Variants in UNC13C observed in about 807,000 individuals in gnomAD.
UNC13C encodes the protein protein unc-13 homolog C.
UNC13C carries 174 observed loss-of-function variants against 245.4 expected under a neutral mutation model. The ratio of observed to expected loss-of-function variants is 0.71; its 90% confidence interval spans 0.63 to 0.80. The LOEUF (loss-of-function observed/expected upper bound fraction) is 0.80, where lower values mean the gene tolerates loss of function less well. Among genes scored for constraint, UNC13C ranks in the 30% least tolerant of loss-of-function variants. The pLI, the probability that UNC13C is intolerant of heterozygous loss-of-function variation, is 0.00. For missense variants in UNC13C, 2,829 were observed against 2,602.9 expected, an observed-to-expected ratio of 1.09 and a Z score of -1.89; for synonymous variants, 992 against 895.1, an observed-to-expected ratio of 1.11 and a Z score of -1.93.
chr15:53,842,535 C>T, the UNC13C span, among the ~76,000 whole-genome samples: 1 of 152,140 alleles, frequency 6.6e-6, no homozygotes, highest in East Asian at 1.9e-4. Flanking sequence ...TTAATTCAAG[C>T]CGGGCCACTG....
intron 2 of UNC13C, among the ~76,000 whole-genome samples, chr15:54,062,161 A>G (rs1341788049): frequency 6.6e-6 from 1 of 151,698 alleles, no homozygotes. Flanking sequence ...CTTTACTAAA[A>G]ATACAAAATT....
chr15:54,582,279 T>C (rs543008714), intron 30 of UNC13C, among the ~76,000 whole-genome samples: 4 of 152,272 alleles, frequency 2.6e-5, no homozygotes, highest in African/African-American at 7.2e-5. Context: ...AACTTGTAGA[T>C]CTGTGCAACC....
At chr15:54,108,474 A>G (rs999001573) in intron 2 of UNC13C, among the ~76,000 whole-genome samples, 2 of 152,216 alleles carry the variant, frequency 1.3e-5, no homozygotes, top group African/African-American at 4.8e-5. Flanking sequence ...GGCTTGAGCC[A>G]CCGTGCCTGG....
At chr15:54,504,343 G>A (rs1269336030) in intron 22 of UNC13C, among the ~76,000 whole-genome samples, 1 of 152,014 alleles carries the variant, frequency 6.6e-6, no homozygotes, top group African/African-American at 2.4e-5. Flanking sequence ...ATAATTCATT[G>A]AGCATTATTA....
At chr15:54,083,227 T>C (rs1249887577) in intron 2 of UNC13C, among the ~76,000 whole-genome samples, 1 of 152,124 alleles carries the variant, frequency 6.6e-6, no homozygotes, top group Non-Finnish European at 1.5e-5. Context: ...GTTGCAGGGC[T>C]CAAAACCTCC....
intron 30 of UNC13C, among the ~76,000 whole-genome samples, chr15:54,571,233 T>C (rs1897739418): frequency 6.6e-6 from 1 of 152,206 alleles, no homozygotes; most frequent in Non-Finnish European, 1.5e-5. Context: ...CAGTTCAGCA[T>C]GGCTGTGGAG....
At chr15:54,626,584 C>CGACTGATTAAGTGTAA (rs760908069) in intron 32 of UNC13C, among the ~76,000 whole-genome samples, 1 of 152,070 alleles carries the variant, frequency 6.6e-6, no homozygotes, top group Non-Finnish European at 1.5e-5. Context: ...GATTCTGCCT[C>CGACTGATTAAGTGTAA]GACTGATTAA....
rs377726388 is a variant in UNC13C at position 54,434,604 on chromosome 15, A to G, written c.4933+19537A>G. ...TAACTCAAGATGGATTAAAGACTTA[A>G]CCATAAAACCGGAAACCATAAAAAC... On this transcript the variant is annotated intron_variant, in intron 19 of 32. Coordinates refer to ENST00000260323, the MANE Select transcript of UNC13C (RefSeq NM_001080534.3). 5.1e-4 allele frequency among the ~76,000 whole-genome samples: 77 copies of G among 152,236 alleles called. 1 individual carries two copies. The highest frequency in any genetic ancestry group is 9.8e-4 in the Admixed American group (15 of 15,282).
In UNC13C at chr15:54,408,899, T is replaced by A. The variant is rs112439307; in HGVS notation, c.4848-6083T>A. 2.4e-4 allele frequency among the ~76,000 whole-genome samples: 37 copies of A among 152,338 alleles called. 1 individual carries two copies. Among genetic ancestry groups the A allele is most frequent in the Admixed American group, 1.0e-3 (16 of 15,310 alleles). Reference sequence around the variant, plus strand: ...ATCTATTCATGTCAATTGAAAGAGATCTGCCTTGGTCATTTCAATAGCTGC... The same window carrying A: ...ATCTATTCATGTCAATTGAAAGAGAACTGCCTTGGTCATTTCAATAGCTGC... On this transcript the variant is annotated intron_variant, in intron 18 of 32. Transcript: ENST00000260323.
chr15:53,994,201 T>G (rs991556885), intron 1 of UNC13C, among the ~76,000 whole-genome samples: 1 of 151,640 alleles, frequency 6.6e-6, no homozygotes, highest in Admixed American at 6.6e-5. Context: ...GAATATCAAA[T>G]TTTTAAAGAA....
At chr15:54,570,765 G>T (rs190922398) in intron 30 of UNC13C, among the ~76,000 whole-genome samples, 1 of 152,282 alleles carries the variant, frequency 6.6e-6, no homozygotes, top group African/African-American at 2.4e-5. Flanking sequence ...TGAAAATATA[G>T]TAGAAGATAC....
chr15:53,991,746 C>T (rs1035993279), intron 1 of UNC13C, among the ~76,000 whole-genome samples: 5 of 152,054 alleles, frequency 3.3e-5, no homozygotes, highest in African/African-American at 9.7e-5. Flanking sequence ...ATGGTAATTG[C>T]ATCCACATTG....
At chr15:54,287,708 T>A (rs1316658456) in intron 10 of UNC13C, among the ~76,000 whole-genome samples, 2 of 152,160 alleles carry the variant, frequency 1.3e-5, no homozygotes, top group Non-Finnish European at 1.5e-5. Flanking sequence ...CTTTGTCTAA[T>A]GTCCATCTCT....
intron 10 of UNC13C, among the ~76,000 whole-genome samples, chr15:54,292,940 ATC>A (rs1411660288): frequency 6.7e-6 from 1 of 148,652 alleles, no homozygotes; most frequent in East Asian, 1.9e-4. Flanking sequence ...AGATATCTAT[ATC>A]TATCTATATA....
chr15:54,490,037 A>G (rs2141080159), intron 19 of UNC13C, among the ~76,000 whole-genome samples: 1 of 152,308 alleles, frequency 6.6e-6, no homozygotes, highest in Admixed American at 6.5e-5. Context: ...GTCCACGGAG[A>G]ACAATAAATA....
the UNC13C span, among the ~76,000 whole-genome samples, chr15:53,869,113 G>A: frequency 6.6e-6 from 1 of 152,134 alleles, no homozygotes; most frequent in Non-Finnish European, 1.5e-5. Flanking sequence ...TTAAAAAAAA[G>A]TCATAAATAC....
chr15:53,912,315 A>G, the UNC13C span: 1 of 152,252 alleles, frequency 6.6e-6, no homozygotes, highest in East Asian at 1.9e-4. Context: ...TGATTAGGGA[A>G]CTGGCTGAGT....
the UNC13C span, among the ~76,000 whole-genome samples, chr15:53,890,577 C>T: frequency 5.3e-5 from 8 of 152,218 alleles, no homozygotes; most frequent in African/African-American, 1.9e-4. Context: ...TTGACTTCTT[C>T]CTGGTTTAGA....
chr15:54,449,269 C>T (rs953408205), intron 19 of UNC13C, among the ~76,000 whole-genome samples: 1 of 152,124 alleles, frequency 6.6e-6, no homozygotes, highest in African/African-American at 2.4e-5. Flanking sequence ...TTGCTCTTCT[C>T]AAGGAGTATC....
Sources: gnomAD v4.1 joint callset for allele counts (sites outside exome capture counted in the v4.1 genomes callset) on GRCh38, gnomAD v4.1.1 for gene constraint, MANE v1.5 for transcripts, NCBI Gene and HGNC (gene_info 2026-07-23, HGNC 2026-07-21) for gene names.